Variants in WLS observed in about 807,000 individuals in gnomAD.
WLS encodes Wnt ligand secretion mediator, also known as protein wntless homolog.
Under a neutral mutation model 62.8 loss-of-function variants are expected in WLS, and 23 were observed. That is an observed-to-expected ratio of 0.37 (90% CI 0.26 to 0.52). The LOEUF (loss-of-function observed/expected upper bound fraction) is 0.52. Ranked by LOEUF, WLS falls within the 20% of genes least tolerant of loss-of-function variation. The probability of loss-of-function intolerance (pLI) is 0.92; values close to 1 mark genes in which losing one functional copy is unlikely to be tolerated. For synonymous variants in WLS, 246 were observed against 244.1 expected (o/e 1.01, Z -0.07); for missense variants, 615 against 697.3 (o/e 0.88, Z 1.33).
intron 2 of WLS, chr1:68,161,722 G>A (rs376457882): frequency 2.1e-6 from 3 of 1,444,154 alleles, no homozygotes; most frequent in Non-Finnish European, 2.9e-6. Flanking sequence ...GGTCCCAAAT[G>A]TATCTGAATG....
chr1:68,104,263 T>C (rs1646116031), intron 11 of WLS, among the ~76,000 whole-genome samples: 1 of 152,126 alleles, frequency 6.6e-6, no homozygotes, highest in African/African-American at 2.4e-5. Flanking sequence ...CTCTTCTTTA[T>C]ACAAAATGGT....
chr1:68,180,253 T>C (rs780371357), intron 2 of WLS, among the ~76,000 whole-genome samples: 1 of 151,934 alleles, frequency 6.6e-6, no homozygotes, highest in Non-Finnish European at 1.5e-5. Flanking sequence ...CTTCAGCTAT[T>C]AGAACTCTTT....
intron 2 of WLS, among the ~76,000 whole-genome samples, chr1:68,177,763 G>A (rs1647323533): frequency 6.6e-6 from 1 of 152,082 alleles, no homozygotes; most frequent in South Asian, 2.1e-4. Flanking sequence ...CAAAGTGCTG[G>A]GATTACAGGT....
Position 68,232,461 on chromosome 1 carries a change from G to C in WLS, c.-162C>G. On this transcript the variant is annotated 5_prime_UTR_variant, in exon 1 of 12. Transcript: ENST00000262348. ...CGAGGATGGGACCGGGACGGAAGGC[G>C]CCCGCACGGATTCCCCCGGCGCAGC... 7.3e-7 allele frequency: 1 copy of C among 1,361,126 alleles called. No individual in the cohort carries two copies. Among genetic ancestry groups the C allele is most frequent in the East Asian group, 2.8e-5 (1 of 36,026 alleles). 84.3% of individuals were successfully genotyped at this position (1,361,126 alleles called of 1,614,324 possible). A position where few individuals can be genotyped will look rare whatever the true frequency, so the allele number is the denominator to read the frequency against.
chr1:68,162,207 G>A, intron 2 of WLS: 1 of 1,450,940 alleles, frequency 6.9e-7, no homozygotes, highest in Non-Finnish European at 9.7e-7. Flanking sequence ...CACGCACATA[G>A]AGGGCTGCCC....
At chr1:68,166,492 G>A (rs1054802816) in intron 2 of WLS, among the ~76,000 whole-genome samples, 1 of 152,198 alleles carries the variant, frequency 6.6e-6, no homozygotes, top group African/African-American at 2.4e-5. Flanking sequence ...CAGAGCTCAA[G>A]TCTGGATCAC....
intron 2 of WLS, among the ~76,000 whole-genome samples, chr1:68,160,677 C>A (rs1238797922): frequency 6.6e-6 from 1 of 152,072 alleles, no homozygotes; most frequent in African/African-American, 2.4e-5. Context: ...CACACTGAAA[C>A]AAAACATACT....
At chr1:68,151,527 G>A (rs1432434185) in intron 5 of WLS, among the ~76,000 whole-genome samples, 6 of 152,128 alleles carry the variant, frequency 3.9e-5, no homozygotes, top group African/African-American at 7.2e-5. Context: ...CAAGGATTGT[G>A]CTCTTGTGAT....
At chr1:68,222,676 G>A (rs904506624) in intron 1 of WLS, among the ~76,000 whole-genome samples, 5 of 152,012 alleles carry the variant, frequency 3.3e-5, no homozygotes, top group African/African-American at 9.7e-5. Context: ...CCTGGGACTC[G>A]AATTCCTTCT....
At chr1:68,185,438 G>C (rs1297483013) in intron 2 of WLS, among the ~76,000 whole-genome samples, 2 of 152,204 alleles carry the variant, frequency 1.3e-5, no homozygotes, top group African/African-American at 2.4e-5. Context: ...ACAGGTACCA[G>C]TCAGTGGCCT....
chr1:68,133,952 C>G (rs993586214), intron 11 of WLS, among the ~76,000 whole-genome samples: 11 of 152,198 alleles, frequency 7.2e-5, no homozygotes, highest in African/African-American at 2.7e-4. Flanking sequence ...GATTCACTCT[C>G]TGTAGCAAGA....
intron 2 of WLS, among the ~76,000 whole-genome samples, chr1:68,184,496 G>C (rs1647790376): frequency 6.6e-6 from 1 of 152,164 alleles, no homozygotes; most frequent in Admixed American, 6.5e-5. Context: ...GCCTTACCAA[G>C]AGGTCTAATA....
chr1:68,215,175 T>A (rs888232793), intron 1 of WLS, among the ~76,000 whole-genome samples: 23 of 152,128 alleles, frequency 1.5e-4, no homozygotes, highest in African/African-American at 5.3e-4. Context: ...CCAAAACAAA[T>A]AGGCGAAACA....
intron 1 of WLS, among the ~76,000 whole-genome samples, chr1:68,210,631 C>T (rs938520564): frequency 2.6e-5 from 4 of 152,284 alleles, no homozygotes; most frequent in African/African-American, 9.6e-5. Context: ...TAAACAAATT[C>T]TCAGGCCCCC....
chr1:68,130,912 T>TTC (rs1553125838), intron 11 of WLS, among the ~76,000 whole-genome samples: 23 of 135,202 alleles, frequency 1.7e-4, no homozygotes, highest in African/African-American at 6.3e-4. Context: ...TTTTTTTTTT[T>TTC]AGATGGAGTC....
downstream of WLS, among the ~76,000 whole-genome samples, chr1:68,123,735 C>G (rs910149202): frequency 1.3e-5 from 2 of 152,120 alleles, no homozygotes; most frequent in Non-Finnish European, 2.9e-5. Flanking sequence ...GTGACTGGCA[C>G]AGGGACAGCC....
In WLS at chr1:68,150,315, A is replaced by C. The variant is rs1646809388; in HGVS notation, c.845T>G (p.Ile282Ser). 6.2e-7 allele frequency: 1 copy of C among 1,614,222 alleles called. No homozygotes were observed. The highest frequency in any genetic ancestry group is 2.2e-5 in the East Asian group (1 of 44,888). ...CCCGATGGAAAACCATTCCACTGGG[A>C]TATTGATAAAGGTCATGGAAATCCC... ...ALGISMTFIN[I>S]PVEWFSIGFD... Residue 282 changes from isoleucine to serine, a missense_variant, in exon 6 of 12, where the codon ATC becomes AGC. Ile to Ser is a moderately radical substitution (Grantham distance 142). Coordinates refer to ENST00000262348, the MANE Select transcript of WLS (RefSeq NM_024911.7).
intron 11 of WLS, among the ~76,000 whole-genome samples, chr1:68,107,893 C>A (rs1048897751): frequency 6.6e-6 from 1 of 152,086 alleles, no homozygotes. Flanking sequence ...GGATACAATG[C>A]AGAAGAGAAG....
chr1:68,173,729 C>T (rs1374555874), intron 2 of WLS, among the ~76,000 whole-genome samples: 1 of 152,132 alleles, frequency 6.6e-6, no homozygotes. Flanking sequence ...TACCCAGAGT[C>T]CTTCAGACAA....
Sources: allele counts gnomAD v4.1 joint callset (sites outside exome capture counted in the v4.1 genomes callset), GRCh38; gene constraint gnomAD v4.1.1; transcripts MANE v1.5; gene names NCBI Gene and HGNC (gene_info 2026-07-23, HGNC 2026-07-21).